Variants in CNBD1 observed in about 807,000 individuals in gnomAD.
The protein encoded by CNBD1 is cyclic nucleotide binding domain containing 1.
A neutral mutation model predicts 54.4 loss-of-function variants in CNBD1; 71 were observed. The ratio of observed to expected loss-of-function variants is 1.30; its 90% CI spans 1.08 to 1.59. The LOEUF is 1.59. Ranked by LOEUF, CNBD1 falls within the 40% of genes most tolerant of loss-of-function variation. The pLI, the probability that CNBD1 is intolerant of heterozygous loss-of-function variation, is 0.00. For synonymous variants in CNBD1, 182 were observed against 170.7 expected (o/e 1.07, Z -0.51); for missense variants, 659 against 518.0 (o/e 1.27, Z -2.64).
chr8:86,900,626 T>C (rs1808917830), intron 2 of CNBD1, among the ~76,000 whole-genome samples: 1 of 152,188 alleles, frequency 6.6e-6, no homozygotes. Flanking sequence ...TTACTTTTAT[T>C]ATTTCTAGCT....
chr8:87,372,487 T>G (rs1163076501), intron 10 of CNBD1, among the ~76,000 whole-genome samples: 2 of 151,922 alleles, frequency 1.3e-5, no homozygotes, highest in Non-Finnish European at 2.9e-5. Flanking sequence ...TTTCCAAATT[T>G]CTTCAGAAAC....
intron 10 of CNBD1, among the ~76,000 whole-genome samples, chr8:87,360,854 A>G (rs185772276): frequency 5.8e-4 from 88 of 152,066 alleles, no homozygotes; most frequent in African/African-American, 2.0e-3. Context: ...GAATGCCTAA[A>G]GACTATCTCT....
At chr8:87,385,723 A>C (rs565431707), downstream of CNBD1, among the ~76,000 whole-genome samples, 61 of 151,604 alleles carry the variant, frequency 4.0e-4, no homozygotes, top group African/African-American at 1.5e-3. Context: ...GCAGCAGAAA[A>C]CTCTGCAGAC....
chr8:87,332,730 G>A (rs745710424), intron 8 of CNBD1, among the ~76,000 whole-genome samples: 1 of 152,058 alleles, frequency 6.6e-6, no homozygotes, highest in Non-Finnish European at 1.5e-5. Flanking sequence ...ATGTTTCATT[G>A]GTCTGTATGT....
intron 2 of CNBD1, among the ~76,000 whole-genome samples, chr8:87,415,579 A>G (rs1807821337): frequency 6.6e-6 from 1 of 152,020 alleles, no homozygotes; most frequent in African/African-American, 2.4e-5. Context: ...ATGTTGAATG[A>G]CTAGTTGTTG....
intron 1 of CNBD1, among the ~76,000 whole-genome samples, chr8:86,881,306 G>A (rs1207330379): frequency 2.0e-5 from 3 of 151,918 alleles, no homozygotes; most frequent in Admixed American, 6.6e-5. Context: ...AGCTTCTCAA[G>A]CTTATAAGCA....
chr8:87,217,573 C>CTTT (rs35123267), intron 5 of CNBD1, among the ~76,000 whole-genome samples: 2 of 144,884 alleles, frequency 1.4e-5, no homozygotes, highest in Non-Finnish European at 3.0e-5. Flanking sequence ...TTTTATTAAG[C>CTTT]TTTTTTTTTT....
intron 8 of CNBD1, among the ~76,000 whole-genome samples, chr8:87,297,562 TTAA>T (rs1808902494): frequency 6.6e-6 from 1 of 152,162 alleles, no homozygotes; most frequent in African/African-American, 2.4e-5. Context: ...ATAAATCACT[TTAA>T]TAATAACTTC....
downstream of CNBD1, among the ~76,000 whole-genome samples, chr8:87,384,505 G>A (rs1254307700): frequency 6.6e-6 from 1 of 152,098 alleles, no homozygotes; most frequent in Non-Finnish European, 1.5e-5. Flanking sequence ...AGGGGATCAA[G>A]GCGGATCTCA....
chr8:86,914,729 C>T lies in CNBD1; in HGVS notation c.272+9535C>T, dbSNP rs188685667. On this transcript the variant is annotated intron_variant, in intron 3 of 10. Transcript: ENST00000518476. ...TCTTGAATGATATCTACCTAATCTA[C>T]ACTTCCCTTAAGCTATATACTTAAC... 2.5e-3 allele frequency among the ~76,000 whole-genome samples: 385 copies of T among 152,312 alleles called. 2 individuals are homozygous for T. The highest frequency in any genetic ancestry group is 4.9e-3 in the Non-Finnish European group (334 of 68,022).
intron 4 of CNBD1, among the ~76,000 whole-genome samples, chr8:87,137,081 A>G (rs1812263182): frequency 8.2e-6 from 1 of 122,008 alleles, no homozygotes; most frequent in Non-Finnish European, 1.6e-5. Context: ...TATGTAAATT[A>G]TATATATTTA....
At chr8:87,408,139 A>T (rs1380004665) in intron 2 of CNBD1, among the ~76,000 whole-genome samples, 2 of 151,964 alleles carry the variant, frequency 1.3e-5, no homozygotes. Flanking sequence ...CTGCCTTAAC[A>T]TTATTTTCTA....
At chr8:86,944,573 C>A (rs992858702) in intron 4 of CNBD1, among the ~76,000 whole-genome samples, 1 of 152,080 alleles carries the variant, frequency 6.6e-6, no homozygotes, top group African/African-American at 2.4e-5. Context: ...CCAGGTATTG[C>A]AACATGGTCT....
At chr8:87,156,510 A>G (rs1812745927) in intron 4 of CNBD1, among the ~76,000 whole-genome samples, 1 of 151,604 alleles carries the variant, frequency 6.6e-6, no homozygotes, top group African/African-American at 2.4e-5. Context: ...TCCCAAAATG[A>G]TGGATTTGCA....
At chr8:87,169,694 C>A (rs1813045751) in intron 4 of CNBD1, among the ~76,000 whole-genome samples, 1 of 151,850 alleles carries the variant, frequency 6.6e-6, no homozygotes, top group African/African-American at 2.4e-5. Context: ...TTCTTGACAC[C>A]TTTATTGATT....
At chr8:87,181,732 CTGTT>C (rs1357430000) in intron 4 of CNBD1, among the ~76,000 whole-genome samples, 1 of 152,076 alleles carries the variant, frequency 6.6e-6, no homozygotes, top group East Asian at 1.9e-4. Context: ...ACTTAACACT[CTGTT>C]TATTTTGCTT....
At chr8:87,051,283 C>CA (rs1429892651) in intron 4 of CNBD1, among the ~76,000 whole-genome samples, 2 of 152,122 alleles carry the variant, frequency 1.3e-5, no homozygotes, top group African/African-American at 4.8e-5. Flanking sequence ...CTCCAGTGTC[C>CA]AGAAGGAAGT....
chr8:87,302,213 G>C (rs1447559508), intron 8 of CNBD1, among the ~76,000 whole-genome samples: 2 of 152,184 alleles, frequency 1.3e-5, no homozygotes, highest in Admixed American at 1.3e-4. Flanking sequence ...CAATATCCCT[G>C]ATGAACATCG....
intron 2 of CNBD1, among the ~76,000 whole-genome samples, chr8:87,412,907 A>G (rs537058222): frequency 6.6e-5 from 10 of 152,210 alleles, no homozygotes; most frequent in East Asian, 1.9e-4. Flanking sequence ...GAAAAAGTCA[A>G]TTATGAATTT....
Sources: allele counts gnomAD v4.1 joint callset (sites outside exome capture counted in the v4.1 genomes callset), GRCh38; gene constraint gnomAD v4.1.1; transcripts MANE v1.5; gene names NCBI Gene and HGNC (gene_info 2026-07-23, HGNC 2026-07-21).